PCLO: variants seen among roughly 807,000 people sequenced by gnomAD.
The protein encoded by PCLO is piccolo presynaptic cytomatrix protein.
In PCLO, 82 loss-of-function variants were observed where a neutral mutation model predicts 427.5. The observed-to-expected ratio is 0.19, with a 90% confidence interval of 0.16 to 0.23. PCLO has a LOEUF of 0.23. PCLO is among the 10% of genes least tolerant of loss of function. The pLI, the probability that PCLO is intolerant of heterozygous loss-of-function variation, is 1.00. For synonymous variants in PCLO, 2,357 were observed against 2,155.4 expected (o/e 1.09, Z -2.59); for missense variants, 6,239 against 6,115.9 (o/e 1.02, Z -0.67).
chr7:82,885,432 T>A (rs576708968), intron 9 of PCLO, among the ~76,000 whole-genome samples: 4 of 152,302 alleles, frequency 2.6e-5, no homozygotes, highest in Admixed American at 1.3e-4. Context: ...TGTAAGTTCA[T>A]GATCAGGGAA....
intron 22 of PCLO, among the ~76,000 whole-genome samples, chr7:82,787,086 C>G (rs1206742251): frequency 6.6e-6 from 1 of 151,884 alleles, no homozygotes; most frequent in East Asian, 1.9e-4. Flanking sequence ...ATTTATAATT[C>G]TTTGGGTATA....
At chr7:82,781,843 G>T (rs1194215545) in intron 22 of PCLO, among the ~76,000 whole-genome samples, 2 of 152,170 alleles carry the variant, frequency 1.3e-5, no homozygotes, top group Non-Finnish European at 2.9e-5. Context: ...AGAGGATTGG[G>T]TTTGAGGAGC....
chr7:82,993,593 T>C (rs1796428001), intron 3 of PCLO, among the ~76,000 whole-genome samples: 1 of 151,904 alleles, frequency 6.6e-6, no homozygotes, highest in South Asian at 2.1e-4. Flanking sequence ...TAACGTCTTT[T>C]TAAATTAAGG....
chr7:82,834,683 G>T (rs534370848), intron 16 of PCLO, among the ~76,000 whole-genome samples: 1 of 152,276 alleles, frequency 6.6e-6, no homozygotes, highest in African/African-American at 2.4e-5. Flanking sequence ...TGCAATGAGA[G>T]ATGTGCAAAA....
intron 10 of PCLO, among the ~76,000 whole-genome samples, chr7:82,850,200 G>C (rs1280655007): frequency 2.0e-5 from 3 of 151,912 alleles, no homozygotes; most frequent in African/African-American, 7.3e-5. Flanking sequence ...GTAGAGACAG[G>C]GTTTCACCAT....
chr7:82,942,650 TC>T (rs1795111983), intron 6 of PCLO, among the ~76,000 whole-genome samples: 1 of 152,160 alleles, frequency 6.6e-6, no homozygotes, highest in Non-Finnish European at 1.5e-5. Flanking sequence ...TAAAATAATA[TC>T]TTTCCAATTA....
At chr7:82,986,969 A>C (rs1476565619) in intron 3 of PCLO, among the ~76,000 whole-genome samples, 1 of 151,940 alleles carries the variant, frequency 6.6e-6, no homozygotes, top group Non-Finnish European at 1.5e-5. Flanking sequence ...TTATTCTTAC[A>C]ATCTCTATTA....
intron 10 of PCLO, among the ~76,000 whole-genome samples, chr7:82,848,332 AAC>A (rs1792561406): frequency 1.7e-5 from 2 of 120,234 alleles, no homozygotes; most frequent in South Asian, 3.0e-4. Flanking sequence ...TTTTTTTTTA[AAC>A]AGGTCCCACT....
chr7:83,122,260 C>A (rs928040328), intron 3 of PCLO, among the ~76,000 whole-genome samples: 3 of 136,482 alleles, frequency 2.2e-5, no homozygotes, highest in Non-Finnish European at 3.0e-5. Context: ...AGGATGCACT[C>A]TTTCCTTCTT....
intron 3 of PCLO, among the ~76,000 whole-genome samples, chr7:83,055,087 C>A (rs181573003): frequency 6.6e-6 from 1 of 152,054 alleles, no homozygotes; most frequent in Admixed American, 6.6e-5. Context: ...GTTATTAGAA[C>A]TTCATCACTA....
intron 10 of PCLO, among the ~76,000 whole-genome samples, chr7:82,858,469 A>G (rs528517331): frequency 1.3e-5 from 2 of 152,288 alleles, no homozygotes; most frequent in South Asian, 4.1e-4. Context: ...TGGGAAAGAA[A>G]AAGAAAGAAA....
intron 6 of PCLO, 67 bp from the exon 7 acceptor site, chr7:82,916,940 T>A: frequency 9.7e-7 from 1 of 1,033,408 alleles, no homozygotes; most frequent in South Asian, 2.0e-5. Flanking sequence ...TCTACTTCCA[T>A]GAATTATATT....
chr7:82,962,871 A>G (rs1240479427), intron 4 of PCLO, among the ~76,000 whole-genome samples: 1 of 151,918 alleles, frequency 6.6e-6, no homozygotes, highest in African/African-American at 2.4e-5. Context: ...AGACCTTTAT[A>G]TTTTGAAGAA....
chr7:82,780,178 C>G (rs1440336107), intron 22 of PCLO, among the ~76,000 whole-genome samples: 1 of 152,170 alleles, frequency 6.6e-6, no homozygotes, highest in Non-Finnish European at 1.5e-5. Flanking sequence ...TTGAAATTGG[C>G]TGTTTACATC....
intron 9 of PCLO, among the ~76,000 whole-genome samples, chr7:82,881,998 G>A (rs1456888194): frequency 6.6e-6 from 1 of 151,976 alleles, no homozygotes; most frequent in Non-Finnish European, 1.5e-5. Flanking sequence ...AGAAATTTTT[G>A]AAGAATAGAA....
intron 10 of PCLO, among the ~76,000 whole-genome samples, chr7:82,858,278 A>G (rs1792859016): frequency 6.6e-6 from 1 of 152,182 alleles, no homozygotes. Flanking sequence ...CTCTCATGAC[A>G]AAAAACTCTC....
intron 16 of PCLO, among the ~76,000 whole-genome samples, chr7:82,830,747 T>A (rs554080353): frequency 3.2e-4 from 49 of 152,142 alleles, no homozygotes; most frequent in African/African-American, 1.2e-3. Flanking sequence ...TGCAAACCCA[T>A]GTACTATCAC....
intron 3 of PCLO, among the ~76,000 whole-genome samples, chr7:83,076,278 T>G (rs765811932): frequency 6.7e-6 from 1 of 150,014 alleles, no homozygotes; most frequent in Non-Finnish European, 1.5e-5. Flanking sequence ...ATTCACTTCT[T>G]TTTTTTTTTG....
chr7:83,047,884 C>T (rs901138784), intron 3 of PCLO, among the ~76,000 whole-genome samples: 1 of 152,126 alleles, frequency 6.6e-6, no homozygotes, highest in South Asian at 2.1e-4. Flanking sequence ...CTACCTCTCA[C>T]ACACAACACA....
Sources: allele counts gnomAD v4.1 joint callset (sites outside exome capture counted in the v4.1 genomes callset), GRCh38; gene constraint gnomAD v4.1.1; transcripts MANE v1.5; gene names NCBI Gene and HGNC (gene_info 2026-07-23, HGNC 2026-07-21).